CCDC91: variants seen among roughly 807,000 people sequenced by gnomAD.
The protein encoded by CCDC91 is coiled-coil domain containing 91.
Under a neutral mutation model 63.2 loss-of-function variants are expected in CCDC91, and 48 were observed. The observed-to-expected ratio is 0.76, with a 90% CI of 0.60 to 0.97. The LOEUF is 0.97. Ranked by LOEUF, CCDC91 falls within the 50% of genes least tolerant of loss-of-function variation. The probability of loss-of-function intolerance (pLI) is 0.00; values close to 1 mark genes in which losing one functional copy is unlikely to be tolerated. For synonymous variants in CCDC91, 167 were observed against 165.8 expected, an observed-to-expected ratio of 1.01 and a Z score of -0.06; for missense variants, 500 against 494.6, an observed-to-expected ratio of 1.01 and a Z score of -0.10.
intron 1 of CCDC91, among the ~76,000 whole-genome samples, chr12:28,210,784 C>A (rs1040938139): frequency 6.6e-6 from 1 of 151,694 alleles, no homozygotes; most frequent in African/African-American, 2.4e-5. Context: ...AAAGGACACC[C>A]AAATATCAAG....
At chr12:28,235,029 C>A (rs1183399857) in intron 1 of CCDC91, among the ~76,000 whole-genome samples, 1 of 152,144 alleles carries the variant, frequency 6.6e-6, no homozygotes, top group African/African-American at 2.4e-5. Context: ...TTTCTGTCTT[C>A]ATGTGCTCTC....
intron 12 of CCDC91, among the ~76,000 whole-genome samples, chr12:28,527,439 G>A (rs1941356094): frequency 6.6e-6 from 1 of 152,234 alleles, no homozygotes; most frequent in East Asian, 1.9e-4. Context: ...TCTGCACAGA[G>A]TCCTGTGATG....
At chr12:28,280,886 A>T (rs1283044240) in intron 3 of CCDC91, among the ~76,000 whole-genome samples, 1 of 151,170 alleles carries the variant, frequency 6.6e-6, no homozygotes, top group Non-Finnish European at 1.5e-5. Flanking sequence ...CTGAGGTGAG[A>T]TGATCACTTG....
chr12:28,431,203 A>G (rs547398385), intron 8 of CCDC91, among the ~76,000 whole-genome samples: 1 of 152,264 alleles, frequency 6.6e-6, no homozygotes, highest in East Asian at 1.9e-4. Context: ...AAGAATGTAT[A>G]TTCTCCAACT....
At chr12:28,224,187 C>G (rs1035467396) in intron 1 of CCDC91, among the ~76,000 whole-genome samples, 1 of 152,066 alleles carries the variant, frequency 6.6e-6, no homozygotes, top group East Asian at 1.9e-4. Context: ...TTGAGAAAAA[C>G]CAACTCCAGG....
chr12:28,416,705 G>T (rs868815065), intron 8 of CCDC91, among the ~76,000 whole-genome samples: 49 of 152,206 alleles, frequency 3.2e-4, no homozygotes, highest in Admixed American at 1.2e-3. Context: ...CTTGCTGAAG[G>T]TGGGTTAAGC....
At chr12:28,247,131 G>C (rs1216063756) in intron 1 of CCDC91, among the ~76,000 whole-genome samples, 1 of 152,220 alleles carries the variant, frequency 6.6e-6, no homozygotes, top group Non-Finnish European at 1.5e-5. Context: ...GGATCTGATG[G>C]AGATGAGGAT....
At chr12:28,231,567 T>G (rs1292454018) in intron 1 of CCDC91, among the ~76,000 whole-genome samples, 5 of 152,204 alleles carry the variant, frequency 3.3e-5, no homozygotes, top group Non-Finnish European at 5.9e-5. Context: ...AGAGTGTATT[T>G]CAGGATTGAG....
chr12:28,498,513 G>T (rs985686703), intron 12 of CCDC91, among the ~76,000 whole-genome samples: 3 of 151,638 alleles, frequency 2.0e-5, no homozygotes, highest in Non-Finnish European at 3.0e-5. Flanking sequence ...CATATACCAT[G>T]AAGCCAAAGC....
At chr12:28,230,119 A>C in intron 1 of CCDC91, among the ~76,000 whole-genome samples, 1 of 151,964 alleles carries the variant, frequency 6.6e-6, no homozygotes, top group South Asian at 2.1e-4. Flanking sequence ...GTATTTTGGG[A>C]ATATATCCTT....
intron 7 of CCDC91, among the ~76,000 whole-genome samples, chr12:28,381,796 T>C (rs1379956461): frequency 6.6e-6 from 1 of 152,140 alleles, no homozygotes; most frequent in Non-Finnish European, 1.5e-5. Context: ...TAGTGAGGTA[T>C]TTCCATATCA....
At chr12:28,355,084 G>A (rs550976194) in intron 6 of CCDC91, among the ~76,000 whole-genome samples, 26 of 150,508 alleles carry the variant, frequency 1.7e-4, no homozygotes, top group Non-Finnish European at 3.4e-4. Context: ...TTCCTACATC[G>A]TTTTCTTCCT....
Position 28,516,539 on chromosome 12 carries a change from G to C in CCDC91, c.1215+32374G>C, listed in dbSNP as rs867790388. Among the ~76,000 whole-genome samples, 77 of 152,054 alleles carry C rather than the reference G, an allele frequency of 5.1e-4. 1 individual carries two copies. The highest frequency in any genetic ancestry group is 1.8e-3 in the African/African-American group (74 of 41,526). On this transcript the variant is annotated intron_variant, in intron 12 of 12. Transcript: ENST00000536442. ...GATTGCTTGAGCCCTGAGAGTCAGAGGTTTCAGTGAGCCAAGATTGTGCCA... is the reference window on the plus strand; with the variant it reads ...GATTGCTTGAGCCCTGAGAGTCAGACGTTTCAGTGAGCCAAGATTGTGCCA...
chr12:28,327,247 G>A (rs1941097714), intron 6 of CCDC91, among the ~76,000 whole-genome samples: 1 of 152,096 alleles, frequency 6.6e-6, no homozygotes, highest in Non-Finnish European at 1.5e-5. Context: ...AGGGCAGCCT[G>A]TAAAATTGAG....
chr12:28,196,635 C>CT (rs1275377963), intron 1 of CCDC91, among the ~76,000 whole-genome samples: 1 of 152,128 alleles, frequency 6.6e-6, no homozygotes, highest in African/African-American at 2.4e-5. Context: ...TTAACTCCTG[C>CT]TTAGAGCTTT....
intron 1 of CCDC91, among the ~76,000 whole-genome samples, chr12:28,192,703 G>T (rs1941365030): frequency 6.6e-6 from 1 of 151,828 alleles, no homozygotes; most frequent in South Asian, 2.1e-4. Context: ...AGTAAGTTTG[G>T]TTTAGCTCAT....
intron 11 of CCDC91, among the ~76,000 whole-genome samples, chr12:28,458,817 T>C (rs1950177769): frequency 6.6e-6 from 1 of 152,126 alleles, no homozygotes; most frequent in Non-Finnish European, 1.5e-5. Context: ...TATCTTTGTC[T>C]CAATATTCTT....
chr12:28,423,238 A>G (rs1199672549), intron 8 of CCDC91, among the ~76,000 whole-genome samples: 2 of 152,148 alleles, frequency 1.3e-5, no homozygotes, highest in Admixed American at 6.6e-5. Context: ...TAACTTTCAA[A>G]AAGAATATTT....
chr12:28,427,312 C>T (rs570820583), intron 8 of CCDC91, among the ~76,000 whole-genome samples: 2 of 152,242 alleles, frequency 1.3e-5, no homozygotes, highest in South Asian at 2.1e-4. Flanking sequence ...AAAGTATCTT[C>T]ACCTGAAGAA....
Sources: allele counts gnomAD v4.1 joint callset (sites outside exome capture counted in the v4.1 genomes callset), GRCh38; gene constraint gnomAD v4.1.1; transcripts MANE v1.5; gene names NCBI Gene and HGNC (gene_info 2026-07-23, HGNC 2026-07-21).